Variants in SYCP3 observed in about 807,000 individuals in gnomAD.
SYCP3 encodes the protein synaptonemal complex protein 3.
A neutral mutation model predicts 38.5 loss-of-function variants in SYCP3; 29 were observed. The observed-to-expected ratio is 0.75, with a 90% CI of 0.56 to 1.03. The LOEUF is 1.03. Among genes scored for constraint, SYCP3 ranks in the 50% least tolerant of loss-of-function variants. The probability of loss-of-function intolerance (pLI) is 0.00; values close to 1 mark genes in which losing one functional copy is unlikely to be tolerated. For missense variants in SYCP3, 242 were observed against 270.7 expected (o/e 0.89, Z 0.74); for synonymous variants, 79 against 80.3 (o/e 0.98, Z 0.08).
Position 101,738,657 on chromosome 12 carries a change from A to G in SYCP3, c.-18+694T>C, listed in dbSNP as rs11110990. 0.022 allele frequency among the ~76,000 whole-genome samples: 3,319 copies of G among 151,990 alleles called. 336 individuals carry two copies. The East Asian group carries it at 0.32, about 14-fold the overall frequency. ...AGGCTGAGGCAGAAGAATCGCTTCAACCCGGGAGGCGGAGGTTGCAGTGAG... is the reference window on the plus strand; with the variant it reads ...AGGCTGAGGCAGAAGAATCGCTTCAGCCCGGGAGGCGGAGGTTGCAGTGAG... On this transcript the variant is annotated intron_variant, in intron 1 of 8. Coordinates refer to ENST00000392924, the MANE Select transcript of SYCP3 (RefSeq NM_001177949.2).
chr12:101,737,585 C>T (rs1022681536), intron 2 of SYCP3: 6 of 687,848 alleles, frequency 8.7e-6, no homozygotes, highest in African/African-American at 5.4e-5. Context: ...CAAGAGTTGC[C>T]GAATAAGCTT....
At position 101,737,842 on chromosome 12, in the gene SYCP3, T is replaced by C. The variant is rs762215378; in HGVS notation, c.94A>G (p.Lys32Glu). 14 of 1,614,106 alleles carry C rather than the reference T, an allele frequency of 8.7e-6. No homozygotes were observed. In the East Asian group the frequency reaches 2.7e-4, roughly 31 times the overall value. ...TRAYDFETED[K>E]KDLSGSEEDV... ...TCCTCTGATCCACTCAGATCTTTCTTATCTTCAGTCTCAAAGTCATAGGCT... is the reference window on the plus strand; with the variant it reads ...TCCTCTGATCCACTCAGATCTTTCTCATCTTCAGTCTCAAAGTCATAGGCT... The change falls in exon 2 of 9, where the codon AAG becomes GAG. Residue 32 changes from lysine to glutamate, a missense_variant. By Grantham distance (56) the Lys-to-Glu change is moderately conservative. Coordinates refer to ENST00000392924, the MANE Select transcript of SYCP3 (RefSeq NM_001177949.2).
intron 7 of SYCP3, 155 bp from the exon 8 acceptor site, chr12:101,729,368 A>C: frequency 1.4e-6 from 1 of 738,974 alleles, no homozygotes; most frequent in Non-Finnish European, 2.2e-6. Context: ...GAATACCAAA[A>C]TACCTACTAA....
At chr12:101,734,493 T>G (rs949573890) in intron 5 of SYCP3, among the ~76,000 whole-genome samples, 1 of 152,204 alleles carries the variant, frequency 6.6e-6, no homozygotes, top group African/African-American at 2.4e-5. Context: ...ATAATGTCAA[T>G]TCTATGAAGG....
At chr12:101,738,225 ACCAG>A (rs2137079077) in intron 1 of SYCP3, among the ~76,000 whole-genome samples, 1 of 152,034 alleles carries the variant, frequency 6.6e-6, no homozygotes, top group South Asian at 2.1e-4. Flanking sequence ...GGAGTTCAAG[ACCAG>A]CCTGGCCAAC....
chr12:101,730,075 C>T (rs1331392628), intron 7 of SYCP3, among the ~76,000 whole-genome samples: 2 of 151,876 alleles, frequency 1.3e-5, no homozygotes, highest in African/African-American at 4.8e-5. Flanking sequence ...CAGGAGGCTA[C>T]TGACAGTTTT....
chr12:101,729,074 A>G, intron 8 of SYCP3, 35 bp downstream of exon 8: 1 of 1,607,408 alleles, frequency 6.2e-7, no homozygotes, highest in Non-Finnish European at 8.5e-7. Flanking sequence ...GCTTATATTA[A>G]TCCTTATTTT....
intron 7 of SYCP3, chr12:101,730,556 C>T: frequency 1.1e-5 from 4 of 368,610 alleles, no homozygotes; most frequent in South Asian, 6.0e-5. Context: ...TACAGTAGTA[C>T]GATTTCAGCT....
At chr12:101,739,152 G>T in intron 1 of SYCP3, 199 bp downstream of exon 1, 2 of 747,866 alleles carry the variant, frequency 2.7e-6, no homozygotes, top group Non-Finnish European at 3.3e-6. Context: ...CCAGGGTGTA[G>T]CGATGGGGCC....
At chr12:101,738,288 C>T (rs1180592188) in intron 1 of SYCP3, among the ~76,000 whole-genome samples, 1 of 147,854 alleles carries the variant, frequency 6.8e-6, no homozygotes, top group Non-Finnish European at 1.5e-5. Flanking sequence ...ATTAACCGGG[C>T]GTGGTGGCAC....
intron 5 of SYCP3, among the ~76,000 whole-genome samples, chr12:101,734,280 G>C (rs1380368782): frequency 2.6e-5 from 4 of 151,998 alleles, no homozygotes; most frequent in Non-Finnish European, 4.4e-5. Flanking sequence ...TTACTTTTAG[G>C]CTGGGCATGG....
At chr12:101,737,349 T>C (rs765760534) in intron 2 of SYCP3, 51 bp from the exon 3 acceptor site, 19 of 1,484,524 alleles carry the variant, frequency 1.3e-5, no homozygotes, top group South Asian at 1.1e-4. Context: ...ACTGAATAGG[T>C]TATTTTGGTA....
In SYCP3 at chr12:101,728,912, T is replaced by G; in HGVS notation, c.*15A>C. ...ATCATATTACTTAGGTTCAAGTTCT[T>G]TCTTCAAAGAGTCATCAGAATAACA... On this transcript the variant is annotated 3_prime_UTR_variant, in exon 9 of 9. Transcript: ENST00000392924. The G allele has an allele frequency of 6.2e-7, 1 of 1,613,518 alleles. No individual in the cohort carries two copies. Among genetic ancestry groups the G allele is most frequent in the South Asian group, 1.1e-5 (1 of 91,062 alleles).
intron 4 of SYCP3, among the ~76,000 whole-genome samples, chr12:101,736,370 C>T (rs1280760653): frequency 1.3e-5 from 2 of 152,052 alleles, no homozygotes; most frequent in Non-Finnish European, 2.9e-5. Context: ...TGTTTCACCA[C>T]CGGACAGAGC....
At chr12:101,736,751 T>C (rs1311532432) in intron 4 of SYCP3, among the ~76,000 whole-genome samples, 1 of 151,894 alleles carries the variant, frequency 6.6e-6, no homozygotes, top group Non-Finnish European at 1.5e-5. Context: ...TATCACTTAG[T>C]CTGTGAATAC....
chr12:101,731,870 G>T, intron 6 of SYCP3: 2 of 397,932 alleles, frequency 5.0e-6, no homozygotes, highest in South Asian at 3.8e-5. Context: ...TTGCTGAATG[G>T]GAAATTTTAA....
At chr12:101,737,681 A>G (rs1226523958) in intron 2 of SYCP3, 122 bp downstream of exon 2, 3 of 1,406,278 alleles carry the variant, frequency 2.1e-6, no homozygotes, top group Non-Finnish European at 2.0e-6. Context: ...TGTAACCACA[A>G]ATACCGGGGG....
In SYCP3 at chr12:101,737,754, A is replaced by G; in HGVS notation, c.133+49T>C. On this transcript the variant is annotated intron_variant, in intron 2 of 8. Transcript: ENST00000392924. ...TTGTACGATAGTCTCAATGGGTTCA[A>G]AACAAATGAACTGAAGGACATCACT... 4 of 1,613,102 alleles carry G rather than the reference A, an allele frequency of 2.5e-6. No individual in the cohort carries two copies. The South Asian group carries it at 4.4e-5, about 18-fold the overall frequency.
chr12:101,738,786 G>A (rs1306556525), intron 1 of SYCP3, among the ~76,000 whole-genome samples: 1 of 152,196 alleles, frequency 6.6e-6, no homozygotes. Context: ...GACTCCAAGC[G>A]CGCAGTGCTG....
Sources: gnomAD v4.1 joint callset for allele counts (sites outside exome capture counted in the v4.1 genomes callset) on GRCh38, gnomAD v4.1.1 for gene constraint, MANE v1.5 for transcripts, NCBI Gene and HGNC (gene_info 2026-07-23, HGNC 2026-07-21) for gene names.